The following XPNPEP3 variants were observed in gnomAD, a reference collection of about 807,000 sequenced individuals.
XPNPEP3 encodes X-prolyl aminopeptidase 3.
Under a neutral mutation model 60.0 loss-of-function variants are expected in XPNPEP3, and 41 were observed. The ratio of observed to expected loss-of-function variants is 0.68; its 90% CI spans 0.53 to 0.89. The LOEUF (loss-of-function observed/expected upper bound fraction) is 0.89, where lower values mean the gene tolerates loss of function less well. XPNPEP3 is among the 40% of genes least tolerant of loss of function. XPNPEP3 has a pLI of 0.00. For synonymous variants in XPNPEP3, 212 were observed against 223.2 expected, an observed-to-expected ratio of 0.95 and a Z score of 0.45; for missense variants, 598 against 638.9, an observed-to-expected ratio of 0.94 and a Z score of 0.69.
At position 40,914,429 on chromosome 22, in the gene XPNPEP3, C is replaced by G. The variant is rs116061599; in HGVS notation, c.1055+105C>G. ...CTAAAGAAATACTATAGGTCCATTC[C>G]TGGTCAAGTTAGGTTGCAAAGCTCC... On this transcript the variant is annotated intron_variant, in intron 7 of 9. Transcript: ENST00000357137. The G allele has an allele frequency of 1.4e-3, 1,367 of 994,138 alleles. 12 individuals are homozygous for G. The African/African-American group carries it at 0.02, about 15-fold the overall frequency. 61.6% of individuals were successfully genotyped at this position (994,138 alleles called of 1,614,324 possible).
chr22:40,899,230 ATAG>A (rs773831117), intron 4 of XPNPEP3, among the ~76,000 whole-genome samples: 2 of 152,132 alleles, frequency 1.3e-5, no homozygotes, highest in Non-Finnish European at 2.9e-5. Flanking sequence ...CAAAAAAATG[ATAG>A]TAGCCCAGTT....
chr22:40,880,117 G>A lies in XPNPEP3; in HGVS notation c.182-1653G>A, dbSNP rs6002188. Among the ~76,000 whole-genome samples, 287 of 151,508 alleles carry A rather than the reference G, an allele frequency of 1.9e-3. 4 individuals carry two copies. The highest frequency in any genetic ancestry group is 6.5e-3 in the African/African-American group (267 of 41,266). The stretch of plus-strand genomic sequence containing the variant: ...AAATTCAAAGATCTTTGACCAAGCC[G>A]TTTTTCTCCTGGGACTATCCCCATA... On this transcript the variant is annotated intron_variant, in intron 2 of 9. Transcript: ENST00000357137.
intron 2 of XPNPEP3, among the ~76,000 whole-genome samples, chr22:40,880,535 G>T (rs2146248829): frequency 6.6e-6 from 1 of 150,766 alleles, no homozygotes; most frequent in South Asian, 2.1e-4. Flanking sequence ...GATGTGAGTA[G>T]GAGAAGGGAA....
In XPNPEP3 at chr22:40,922,449, T is replaced by G; in HGVS notation, c.1172T>G (p.Leu391Arg). The part of the protein sequence containing the change: ...LENIYSMMLT[L>R]IGQKLKDLGI... ...AACATCTACAGCATGATGCTGACCC[T>G]GATAGGACAGAAGCTTAAAGACTTG... is the stretch of plus-strand genomic sequence containing the variant. The change falls in exon 8 of 10, where the codon CTG (leucine) becomes CGG (arginine). Residue 391 changes from leucine to arginine, a missense_variant. Transcript: ENST00000357137. 6.2e-7 allele frequency: 1 copy of G among 1,614,030 alleles called. No individual in the cohort carries two copies. Among genetic ancestry groups the G allele is most frequent in the East Asian group, 2.2e-5 (1 of 44,880 alleles).
intron 6 of XPNPEP3, among the ~76,000 whole-genome samples, chr22:40,911,955 TATG>T (rs2058178752): frequency 1.3e-5 from 2 of 152,190 alleles, no homozygotes; most frequent in Non-Finnish European, 2.9e-5. Flanking sequence ...CCAGAAGTTT[TATG>T]ATGATAACAC....
intron 1 of XPNPEP3, chr22:40,860,360 G>T (rs2057935460): frequency 5.9e-6 from 1 of 168,726 alleles, no homozygotes. Flanking sequence ...TTACAGGTGT[G>T]AGCCACTGCA....
chr22:40,869,836 G>A (rs919024947), intron 2 of XPNPEP3, among the ~76,000 whole-genome samples: 10 of 152,290 alleles, frequency 6.6e-5, no homozygotes, highest in Non-Finnish European at 1.0e-4. Flanking sequence ...TAGGGTAAAA[G>A]CAAACACATT....
At chr22:40,924,789 C>G (rs2058229149) in intron 9 of XPNPEP3, among the ~76,000 whole-genome samples, 1 of 152,154 alleles carries the variant, frequency 6.6e-6, no homozygotes, top group Non-Finnish European at 1.5e-5. Flanking sequence ...TCCCAAAGTG[C>G]TAGGATTATA....
chr22:40,886,484 G>T lies in XPNPEP3; in HGVS notation c.761G>T (p.Arg254Leu), dbSNP rs373246644. Reference protein sequence around the residue: ...RLIKSPAEIERMQIAGKLTSQ... With the variant: ...RLIKSPAEIELMQIAGKLTSQ... ...ATCAAGTCTCCTGCAGAAATTGAAC[G>T]AATGCAGATTGCTGGGAAGCTGACA... is the stretch of plus-strand genomic sequence containing the variant. Residue 254 changes from arginine (R) to leucine (L), a missense_variant, in exon 4 of 10, where the codon CGA (arginine) becomes CTA (leucine). Coordinates refer to ENST00000357137, the MANE Select transcript of XPNPEP3 (RefSeq NM_022098.4). The T allele has an allele frequency of 6.5e-5, 105 of 1,613,906 alleles. 1 individual carries two copies. In the East Asian group the frequency reaches 7.1e-4, roughly 11 times the overall value.
intron 4 of XPNPEP3, among the ~76,000 whole-genome samples, chr22:40,901,767 A>G (rs1294784323): frequency 6.6e-6 from 1 of 152,126 alleles, no homozygotes; most frequent in African/African-American, 2.4e-5. Context: ...GCCCGGCTAT[A>G]TGACTCCATT....
At chr22:40,868,795 C>T (rs1352999601) in intron 1 of XPNPEP3, among the ~76,000 whole-genome samples, 2 of 151,394 alleles carry the variant, frequency 1.3e-5, no homozygotes, top group Non-Finnish European at 2.9e-5. Context: ...TGCAGTGAGC[C>T]GAGATCATGC....
At chr22:40,891,482 G>T (rs1387485966) in intron 4 of XPNPEP3, among the ~76,000 whole-genome samples, 2 of 149,224 alleles carry the variant, frequency 1.3e-5, no homozygotes, top group Non-Finnish European at 3.0e-5. Flanking sequence ...GTGAAACCCC[G>T]TCTCTACTAA....
chr22:40,922,465 T>C lies in XPNPEP3; in HGVS notation c.1188T>C (p.Leu396=), dbSNP rs146309087. Residue 396 remains leucine, a synonymous_variant, in exon 8 of 10, where the codon CTT becomes CTC. Transcript: ENST00000357137. ...TGCTGACCCTGATAGGACAGAAGCT[T>C]AAAGACTTGGGGATCATGAAGAACA... ...SMMLTLIGQK[L]KDLGIMKNIK... The C allele has an allele frequency of 5.0e-5, 80 of 1,614,020 alleles. No individual in the cohort carries two copies. Among genetic ancestry groups the C allele is most frequent in the East Asian group, 2.0e-4 (9 of 44,880 alleles).
intron 1 of XPNPEP3, among the ~76,000 whole-genome samples, chr22:40,857,689 G>C (rs559695518): frequency 6.6e-6 from 1 of 152,372 alleles, no homozygotes; most frequent in African/African-American, 2.4e-5. Flanking sequence ...TACTTCTGGG[G>C]CGTTCTGTGT....
At position 40,926,382 on chromosome 22, in the gene XPNPEP3, G is replaced by C; in HGVS notation, c.1471G>C (p.Asp491His). ...TQDSPLILSADCPKEMNDIEQ... is the reference protein window; with the variant it reads ...TQDSPLILSAHCPKEMNDIEQ... ...GGACTCACCTCTCATCCTTTCTGCAGACTGTCCCAAAGAGATGAATGACAT... is the reference window on the plus strand; with the variant it reads ...GGACTCACCTCTCATCCTTTCTGCACACTGTCCCAAAGAGATGAATGACAT... Residue 491 changes from aspartate (D) to histidine (H), a missense_variant, in exon 10 of 10, where the codon GAC (aspartate) becomes CAC (histidine). Transcript: ENST00000357137. 1.2e-6 allele frequency: 2 copies of C among 1,614,146 alleles called. No individual in the cohort carries two copies. Among genetic ancestry groups the C allele is most frequent in the Non-Finnish European group, 1.7e-6 (2 of 1,180,020 alleles).
chr22:40,861,804 A>AT (rs2057950011), intron 1 of XPNPEP3: 2 of 1,613,058 alleles, frequency 1.2e-6, no homozygotes, highest in South Asian at 2.2e-5. Flanking sequence ...TTTATCATAA[A>AT]TGTCCCGTTT....
intron 1 of XPNPEP3, among the ~76,000 whole-genome samples, chr22:40,859,216 A>T (rs2057926032): frequency 6.6e-6 from 1 of 152,208 alleles, no homozygotes; most frequent in Admixed American, 6.5e-5. Flanking sequence ...GAGTACAAGG[A>T]GCTGATAGGA....
rs1055547772 is a variant in XPNPEP3 at position 40,905,204 on chromosome 22, C to G, written c.793-2383C>G. 2.6e-4 allele frequency among the ~76,000 whole-genome samples: 39 copies of G among 152,032 alleles called. 1 individual carries two copies. The highest frequency in any genetic ancestry group is 2.4e-3 in the Admixed American group (36 of 15,234). On this transcript the variant is annotated intron_variant, in intron 4 of 9. Transcript: ENST00000357137. ...AAGCAATTCTCCTGCCTCAGCCTCC[C>G]GAGTAACTAGGACCACAGGCGCGTA...
intron 4 of XPNPEP3, among the ~76,000 whole-genome samples, chr22:40,897,914 C>A (rs2058115345): frequency 1.3e-5 from 2 of 151,980 alleles, no homozygotes; most frequent in South Asian, 4.1e-4. Context: ...AGTTCCTTTG[C>A]CCATTTTTTA....
Sources: allele counts gnomAD v4.1 joint callset (sites outside exome capture counted in the v4.1 genomes callset), GRCh38; gene constraint gnomAD v4.1.1; transcripts MANE v1.5; gene names NCBI Gene and HGNC (gene_info 2026-07-23, HGNC 2026-07-21).